GNG2: variants seen among roughly 807,000 people sequenced by gnomAD.
The protein encoded by GNG2 is guanine nucleotide-binding protein G(I)/G(S)/G(O) subunit gamma-2.
GNG2 carries 5 observed loss-of-function variants against 5.5 expected under a neutral mutation model. That is an observed-to-expected ratio of 0.91 (90% CI 0.48 to 1.92). The LOEUF (loss-of-function observed/expected upper bound fraction) is 1.92. Among genes scored for constraint, GNG2 ranks in the 30% most tolerant of loss-of-function variants. GNG2 has a pLI of 0.01. For missense variants in GNG2, 55 were observed against 88.4 expected (o/e 0.62, Z 1.52); for synonymous variants, 28 against 32.0 (o/e 0.88, Z 0.42).
rs139742776 is a variant in GNG2, at chr14:51,968,737, G to T, written c.*2050G>T. Reference sequence around the variant, plus strand: ...AAAACATATCACAGTTTTTACATGGGCCAAAACATGAATTGAGTATGTGGT... The same window carrying T: ...AAAACATATCACAGTTTTTACATGGTCCAAAACATGAATTGAGTATGTGGT... On this transcript the variant is annotated 3_prime_UTR_variant, in exon 4 of 4. Transcript: ENST00000556766. The T allele has an allele frequency of 5.9e-5, 9 of 152,238 alleles. No homozygotes were observed. Among genetic ancestry groups the T allele is most frequent in the African/African-American group, 2.2e-4 (9 of 41,544 alleles). 9.4% of individuals were successfully genotyped at this position (152,238 alleles called of 1,614,324 possible). A position where few individuals can be genotyped will look rare whatever the true frequency, so the allele number is the denominator to read the frequency against.
intron 2 of GNG2, among the ~76,000 whole-genome samples, chr14:51,836,683 TCTC>T (rs1370077567): frequency 1.3e-5 from 2 of 151,228 alleles, no homozygotes; most frequent in African/African-American, 4.9e-5. Context: ...CCTACTCCAT[TCTC>T]CTCTACACAC....
intron 2 of GNG2, among the ~76,000 whole-genome samples, chr14:51,924,932 A>T (rs943584059): frequency 6.6e-6 from 1 of 152,218 alleles, no homozygotes; most frequent in Non-Finnish European, 1.5e-5. Flanking sequence ...TAAGCACTGG[A>T]CATGAACCAT....
At chr14:51,880,575 C>CT (rs1175025029) in intron 2 of GNG2, among the ~76,000 whole-genome samples, 4 of 151,990 alleles carry the variant, frequency 2.6e-5, no homozygotes, top group Admixed American at 6.5e-5. Flanking sequence ...AAATTTTCAG[C>CT]TTTTTTTTGT....
intron 2 of GNG2, among the ~76,000 whole-genome samples, chr14:51,853,792 T>G (rs75844493): frequency 0.011 from 1,733 of 152,336 alleles, 34 homozygotes; most frequent in African/African-American, 0.04. Flanking sequence ...TTTCCAAGGC[T>G]TTGTGGGTGC....
intron 2 of GNG2, among the ~76,000 whole-genome samples, chr14:51,945,794 G>A (rs1888609790): frequency 6.6e-6 from 1 of 151,938 alleles, no homozygotes; most frequent in South Asian, 2.1e-4. Context: ...GTGTATGTGT[G>A]TGTGTGTGTG....
chr14:51,952,813 G>A (rs1005879271), intron 3 of GNG2, among the ~76,000 whole-genome samples: 2 of 152,004 alleles, frequency 1.3e-5, no homozygotes, highest in Non-Finnish European at 2.9e-5. Flanking sequence ...TCTCCATCCC[G>A]CCATCAATTA....
At chr14:51,879,307 G>C (rs1883885286) in intron 2 of GNG2, among the ~76,000 whole-genome samples, 1 of 152,154 alleles carries the variant, frequency 6.6e-6, no homozygotes, top group African/African-American at 2.4e-5. Context: ...GGGATTTTGA[G>C]TATATTTGGT....
intron 2 of GNG2, among the ~76,000 whole-genome samples, chr14:51,931,743 A>G (rs1207847640): frequency 6.6e-6 from 1 of 152,220 alleles, no homozygotes; most frequent in Non-Finnish European, 1.5e-5. Flanking sequence ...GTGAGAACGT[A>G]AAATGGTTCA....
chr14:51,926,465 A>G (rs1294401304), intron 2 of GNG2, among the ~76,000 whole-genome samples: 1 of 152,196 alleles, frequency 6.6e-6, no homozygotes, highest in African/African-American at 2.4e-5. Context: ...TTCAGGAGTC[A>G]GAGTAGGAAG....
intron 2 of GNG2, among the ~76,000 whole-genome samples, chr14:51,922,901 A>C (rs748618171): frequency 2.0e-5 from 3 of 152,128 alleles, no homozygotes; most frequent in Non-Finnish European, 4.4e-5. Flanking sequence ...GGCAGAGGAG[A>C]AGGGAAAGCC....
At chr14:51,858,539 TGAGA>T (rs918790852), upstream of GNG2, among the ~76,000 whole-genome samples, 25 of 152,200 alleles carry the variant, frequency 1.6e-4, no homozygotes, top group African/African-American at 4.6e-4. Flanking sequence ...GGAGGATGGT[TGAGA>T]GAGAGTTAGA....
chr14:51,904,836 T>C (rs1885806509), intron 2 of GNG2, among the ~76,000 whole-genome samples: 1 of 152,202 alleles, frequency 6.6e-6, no homozygotes, highest in Non-Finnish European at 1.5e-5. Context: ...AAAAAATTAT[T>C]CTTCGGAAAG....
intron 2 of GNG2, among the ~76,000 whole-genome samples, chr14:51,913,890 T>A (rs1594907964): frequency 6.6e-6 from 1 of 152,262 alleles, no homozygotes; most frequent in African/African-American, 2.4e-5. Flanking sequence ...TTTATGCATA[T>A]GTTGCATATA....
chr14:51,926,022 T>TTTTC (rs560253735), intron 2 of GNG2, among the ~76,000 whole-genome samples: 1 of 152,056 alleles, frequency 6.6e-6, no homozygotes, highest in Non-Finnish European at 1.5e-5. Flanking sequence ...ATTTGTTTTC[T>TTTTC]TTTCTTTCTT....
At chr14:51,830,737 C>T (rs12147480) in intron 2 of GNG2, among the ~76,000 whole-genome samples, 33,938 of 152,094 alleles carry the variant, frequency 0.22, 4,250 homozygotes, top group African/African-American at 0.33. Flanking sequence ...ACCTGAATTA[C>T]TGAGATAGCT....
intron 1 of GNG2, among the ~76,000 whole-genome samples, chr14:51,861,889 T>A (rs1473077738): frequency 6.6e-6 from 1 of 152,216 alleles, no homozygotes; most frequent in Non-Finnish European, 1.5e-5. Flanking sequence ...AGGGTTTTTC[T>A]TCTAGAGTTT....
At chr14:51,855,093 T>C (rs1882092588) in intron 2 of GNG2, among the ~76,000 whole-genome samples, 2 of 152,192 alleles carry the variant, frequency 1.3e-5, no homozygotes. Flanking sequence ...CCCAGGAGTG[T>C]ATGTATATAT....
intron 2 of GNG2, among the ~76,000 whole-genome samples, chr14:51,947,307 A>T (rs772163489): frequency 6.6e-6 from 1 of 152,212 alleles, no homozygotes; most frequent in Non-Finnish European, 1.5e-5. Flanking sequence ...AAAGTTGCAG[A>T]TGGAATTAAG....
chr14:51,900,271 AT>A (rs916379384), intron 2 of GNG2, among the ~76,000 whole-genome samples: 1 of 152,170 alleles, frequency 6.6e-6, no homozygotes, highest in African/African-American at 2.4e-5. Context: ...GACTTGGAGC[AT>A]TTTTATATAC....
Sources: allele counts gnomAD v4.1 joint callset (sites outside exome capture counted in the v4.1 genomes callset), GRCh38; gene constraint gnomAD v4.1.1; transcripts MANE v1.5; gene names NCBI Gene and HGNC (gene_info 2026-07-23, HGNC 2026-07-21).